The following AGPS variants were observed in gnomAD, a reference collection of about 807,000 sequenced individuals.
AGPS encodes alkyldihydroxyacetonephosphate synthase, peroxisomal.
A neutral mutation model predicts 90.7 loss-of-function variants in AGPS; 26 were observed. The ratio of observed to expected loss-of-function variants is 0.29; its 90% confidence interval spans 0.21 to 0.40. AGPS has a LOEUF of 0.40. AGPS is among the 10% of genes least tolerant of loss of function. The pLI is 1.00. For missense variants in AGPS, 540 were observed against 816.1 expected (o/e 0.66, Z 4.12); for synonymous variants, 294 against 285.3 (o/e 1.03, Z -0.31).
chr2:177,433,564 G>A (rs190388921), intron 2 of AGPS, among the ~76,000 whole-genome samples: 5 of 152,268 alleles, frequency 3.3e-5, no homozygotes, highest in African/African-American at 1.2e-4. Context: ...TCTTGAATAT[G>A]AGTCATACTT....
At chr2:177,511,096 T>TTTGTTG (rs575575386) in intron 16 of AGPS, among the ~76,000 whole-genome samples, 1 of 151,968 alleles carries the variant, frequency 6.6e-6, no homozygotes, top group East Asian at 1.9e-4. Flanking sequence ...ATATACATTT[T>TTTGTTG]TTGTTGTTGT....
intron 2 of AGPS, among the ~76,000 whole-genome samples, chr2:177,428,592 A>T (rs1236282146): frequency 6.6e-6 from 1 of 152,164 alleles, no homozygotes; most frequent in East Asian, 1.9e-4. Context: ...GTTTGGCTGG[A>T]TATGAAATTC....
At chr2:177,459,990 A>G (rs1687243084) in intron 8 of AGPS, among the ~76,000 whole-genome samples, 1 of 152,256 alleles carries the variant, frequency 6.6e-6, no homozygotes, top group African/African-American at 2.4e-5. Context: ...CAGCCATAAA[A>G]AAGGATGAGT....
chr2:177,401,533 A>T (rs1382232470), intron 1 of AGPS, among the ~76,000 whole-genome samples: 1 of 151,274 alleles, frequency 6.6e-6, no homozygotes, highest in Non-Finnish European at 1.5e-5. Context: ...TTGAATCTAG[A>T]TTTTTTAATT....
At chr2:177,489,107 C>T (rs1382103278) in intron 11 of AGPS, among the ~76,000 whole-genome samples, 2 of 116,044 alleles carry the variant, frequency 1.7e-5, no homozygotes, top group South Asian at 2.7e-4. Flanking sequence ...TTTTTTGAAA[C>T]GGAGTCTCGC....
chr2:177,509,720 CTT>C (rs1157618658), intron 16 of AGPS, among the ~76,000 whole-genome samples: 1 of 149,658 alleles, frequency 6.7e-6, no homozygotes, highest in Non-Finnish European at 1.5e-5. Flanking sequence ...TCTCAAAGAT[CTT>C]TTTTTTAGTA....
At chr2:177,489,155 G>A (rs1178760765) in intron 11 of AGPS, among the ~76,000 whole-genome samples, 1 of 151,112 alleles carries the variant, frequency 6.6e-6, no homozygotes, top group Admixed American at 6.6e-5. Flanking sequence ...TGCGATCTCG[G>A]CTCACTGCAA....
chr2:177,458,183 C>G (rs1012232770), intron 8 of AGPS, among the ~76,000 whole-genome samples: 1 of 152,138 alleles, frequency 6.6e-6, no homozygotes, highest in Non-Finnish European at 1.5e-5. Flanking sequence ...ATCGATGGAA[C>G]GTATCTCAAA....
At chr2:177,430,373 A>G (rs1327323481) in intron 2 of AGPS, among the ~76,000 whole-genome samples, 2 of 152,122 alleles carry the variant, frequency 1.3e-5, no homozygotes, top group East Asian at 1.9e-4. Context: ...TGGATCTTCC[A>G]CCTTGCTGGG....
chr2:177,536,003 T>G (rs2079180767), intron 19 of AGPS, among the ~76,000 whole-genome samples: 1 of 152,148 alleles, frequency 6.6e-6, no homozygotes, highest in African/African-American at 2.4e-5. Flanking sequence ...GATGTGTAAA[T>G]TATCCTTCTG....
intron 1 of AGPS, among the ~76,000 whole-genome samples, chr2:177,419,876 T>G (rs4243388): frequency 0.69 from 104,284 of 151,530 alleles, 36,530 homozygotes; most frequent in Admixed American, 0.77. Flanking sequence ...ATAATTATGA[T>G]TTTTTTCTCA....
intron 2 of AGPS, among the ~76,000 whole-genome samples, chr2:177,431,824 T>G (rs1018200325): frequency 6.6e-6 from 1 of 152,194 alleles, no homozygotes; most frequent in African/African-American, 2.4e-5. Context: ...TTCATATTGT[T>G]CAAACACACA....
intron 9 of AGPS, among the ~76,000 whole-genome samples, chr2:177,467,077 C>G (rs532314274): frequency 3.8e-4 from 57 of 151,990 alleles, no homozygotes; most frequent in Non-Finnish European, 7.1e-4. Flanking sequence ...GGTCATGCCA[C>G]CCCCACTGCA....
At chr2:177,434,258 G>C in intron 2 of AGPS, 69 bp from the exon 3 acceptor site, 1 of 1,134,744 alleles carries the variant, frequency 8.8e-7, no homozygotes, top group Non-Finnish European at 1.3e-6. Flanking sequence ...ATCACTGGAA[G>C]CAGAATTTAA....
chr2:177,460,708 A>G (rs911721871), intron 8 of AGPS, among the ~76,000 whole-genome samples: 1 of 152,208 alleles, frequency 6.6e-6, no homozygotes, highest in African/African-American at 2.4e-5. Context: ...GGAGTTAGGG[A>G]AGAAATATAA....
At position 177,540,718 on chromosome 2, in the gene AGPS, T is replaced by C. The variant is rs2079227254; in HGVS notation, c.*2523T>C. On this transcript the variant is annotated 3_prime_UTR_variant, in exon 20 of 20. Transcript: ENST00000264167. Reference sequence around the variant, plus strand: ...TGCCTATTTGGTTTTCAGTACTGCATAACACTGACTTTCTTAAATTAGTCA... The same window carrying C: ...TGCCTATTTGGTTTTCAGTACTGCACAACACTGACTTTCTTAAATTAGTCA... 2 of 152,154 alleles carry C rather than the reference T, an allele frequency of 1.3e-5. No individual in the cohort carries two copies. The highest frequency in any genetic ancestry group is 4.1e-4 in the South Asian group (2 of 4,832). The allele number at this position is 152,154 out of a possible 1,614,324, so 9.4% of individuals were successfully genotyped here. A position where few individuals can be genotyped will look rare whatever the true frequency, so the allele number is the denominator to read the frequency against.
chr2:177,480,277 C>A (rs1235015799), intron 10 of AGPS, among the ~76,000 whole-genome samples: 1 of 152,006 alleles, frequency 6.6e-6, no homozygotes, highest in East Asian at 1.9e-4. Flanking sequence ...CACATGCACA[C>A]GTATGTTTAG....
intron 2 of AGPS, among the ~76,000 whole-genome samples, chr2:177,426,569 C>CA (rs1686086742): frequency 6.6e-6 from 1 of 152,098 alleles, no homozygotes; most frequent in African/African-American, 2.4e-5. Context: ...TATGGTCCTT[C>CA]AATCCTTACT....
rs1472229078 is a variant in AGPS at position 177,538,445 on chromosome 2, G to A, written c.*250G>A. Reference sequence around the variant, plus strand: ...CGGTTGTCATTTCAAATTTTAGTCAGGCAGCACAAAGCTGTCAATTATTCC... The same window carrying A: ...CGGTTGTCATTTCAAATTTTAGTCAAGCAGCACAAAGCTGTCAATTATTCC... On this transcript the variant is annotated 3_prime_UTR_variant, in exon 20 of 20. Coordinates refer to ENST00000264167, the MANE Select transcript of AGPS (RefSeq NM_003659.4). 1.4e-5 allele frequency: 7 copies of A among 485,110 alleles called. No individual in the cohort carries two copies. Among genetic ancestry groups the A allele is most frequent in the Non-Finnish European group, 2.6e-5 (7 of 271,214 alleles). The allele number at this position is 485,110 out of a possible 1,614,324, so 30.1% of individuals were successfully genotyped here.
Sources: allele counts gnomAD v4.1 joint callset (sites outside exome capture counted in the v4.1 genomes callset), GRCh38; gene constraint gnomAD v4.1.1; transcripts MANE v1.5; gene names NCBI Gene and HGNC (gene_info 2026-07-23, HGNC 2026-07-21).